The following PCSK5 variants were observed in gnomAD, a reference collection of about 807,000 sequenced individuals.
PCSK5 encodes the protein prohormone convertase 5.
A neutral mutation model predicts 233.2 loss-of-function variants in PCSK5; 129 were observed. The observed-to-expected ratio is 0.55, with a 90% CI of 0.48 to 0.64. PCSK5 has a LOEUF of 0.64. Among genes scored for constraint, PCSK5 ranks in the 30% least tolerant of loss-of-function variants. PCSK5 has a pLI of 0.00. For synonymous variants in PCSK5, 825 were observed against 879.2 expected, an observed-to-expected ratio of 0.94 and a Z score of 1.09; for missense variants, 2,076 against 2,430.1, an observed-to-expected ratio of 0.85 and a Z score of 3.06.
intron 37 of PCSK5, among the ~76,000 whole-genome samples, chr9:76,356,075 C>G (rs1830295815): frequency 6.6e-6 from 1 of 152,168 alleles, no homozygotes; most frequent in Admixed American, 6.5e-5. Context: ...GCTTTCCCAC[C>G]CCCACGAGCA....
At position 76,080,791 on chromosome 9, in the gene PCSK5, G is replaced by A. The variant is rs1830805897; in HGVS notation, c.894+8893G>A. Among the ~76,000 whole-genome samples, 3 of 152,174 alleles carry A rather than the reference G, an allele frequency of 2.0e-5. No individual in the cohort carries two copies. The South Asian group carries it at 6.2e-4, about 32-fold the overall frequency. ...ATGATTAATTCCTGTAAAATATTCAGCAGAGCTCCTGTAACAATGTAAAGT... is the reference window on the plus strand; with the variant it reads ...ATGATTAATTCCTGTAAAATATTCAACAGAGCTCCTGTAACAATGTAAAGT... On this transcript the variant is annotated intron_variant, in intron 7 of 37. Coordinates refer to ENST00000674117, the MANE Select transcript of PCSK5 (RefSeq NM_001372043.1).
At chr9:76,055,783 G>C (rs1050712742) in intron 5 of PCSK5, among the ~76,000 whole-genome samples, 1 of 152,116 alleles carries the variant, frequency 6.6e-6, no homozygotes, top group African/African-American at 2.4e-5. Flanking sequence ...GGATACCCTG[G>C]TCTAGTTCTC....
At chr9:75,900,594 G>T (rs1431562593) in intron 1 of PCSK5, among the ~76,000 whole-genome samples, 2 of 149,230 alleles carry the variant, frequency 1.3e-5, no homozygotes, top group Non-Finnish European at 3.0e-5. Context: ...TGGGACAGTT[G>T]CTTGAGCCCG....
chr9:76,052,009 G>T (rs900517321), intron 5 of PCSK5, among the ~76,000 whole-genome samples: 1 of 152,088 alleles, frequency 6.6e-6, no homozygotes, highest in South Asian at 2.1e-4. Flanking sequence ...ATCTTTTTTC[G>T]TAGAAACAAG....
At chr9:76,139,849 T>G (rs1823135468) in intron 10 of PCSK5, among the ~76,000 whole-genome samples, 1 of 152,064 alleles carries the variant, frequency 6.6e-6, no homozygotes, top group Admixed American at 6.6e-5. Context: ...AATTTTACCC[T>G]TATTGTTTTG....
At chr9:75,993,884 G>T (rs1055561831) in intron 3 of PCSK5, among the ~76,000 whole-genome samples, 3 of 152,152 alleles carry the variant, frequency 2.0e-5, no homozygotes, top group Non-Finnish European at 4.4e-5. Flanking sequence ...CCAGTATTAG[G>T]AGTCTCATAG....
At chr9:76,320,286 C>T (rs1335958256) in intron 30 of PCSK5, among the ~76,000 whole-genome samples, 4 of 151,628 alleles carry the variant, frequency 2.6e-5, no homozygotes, top group Admixed American at 6.6e-5. Context: ...AACAATTAGC[C>T]AGGCATGGTG....
intron 33 of PCSK5, among the ~76,000 whole-genome samples, chr9:76,331,073 C>T (rs1829519674): frequency 6.6e-6 from 1 of 152,150 alleles, no homozygotes; most frequent in Admixed American, 6.5e-5. Context: ...CTGTAGTCCC[C>T]CTGGGAAATG....
intron 5 of PCSK5, among the ~76,000 whole-genome samples, chr9:76,050,961 A>G (rs1194028907): frequency 6.6e-6 from 1 of 152,178 alleles, no homozygotes; most frequent in Non-Finnish European, 1.5e-5. Context: ...GGGGGATATG[A>G]CAGTCATTTT....
At chr9:76,178,896 A>G (rs910503281) in intron 14 of PCSK5, among the ~76,000 whole-genome samples, 1 of 152,120 alleles carries the variant, frequency 6.6e-6, no homozygotes, top group Non-Finnish European at 1.5e-5. Flanking sequence ...ACTGTTCATT[A>G]TCTTCAGTTC....
chr9:76,150,942 C>G (rs186971988), intron 10 of PCSK5, among the ~76,000 whole-genome samples: 3 of 151,938 alleles, frequency 2.0e-5, no homozygotes, highest in East Asian at 3.9e-4. Context: ...AGTATCACTT[C>G]CCACTTTTTC....
rs1830420042 is a variant in PCSK5 at position 76,360,861 on chromosome 9, T to A, written c.*1939T>A. The A allele has an allele frequency of 1.3e-5, 2 of 152,254 alleles. No individual in the cohort carries two copies. Among genetic ancestry groups the A allele is most frequent in the African/African-American group, 4.8e-5 (2 of 41,466 alleles). The allele number at this position is 152,254 out of a possible 1,614,324, so 9.4% of individuals were successfully genotyped here. On this transcript the variant is annotated 3_prime_UTR_variant, in exon 38 of 38. Coordinates refer to ENST00000674117, the MANE Select transcript of PCSK5 (RefSeq NM_001372043.1). The stretch of plus-strand genomic sequence containing the variant: ...TTCACATATTATAAAATTTTATTCT[T>A]CTTTTGATTTTTTTCAACCTTTTAA...
At chr9:76,093,287 G>T (rs893855262) in intron 7 of PCSK5, among the ~76,000 whole-genome samples, 1 of 151,446 alleles carries the variant, frequency 6.6e-6, no homozygotes, top group East Asian at 1.9e-4. Context: ...TAAATATGTG[G>T]TCTCACCCTA....
chr9:76,025,400 G>GGAGA lies in PCSK5; in HGVS notation c.555+1538_556-1539dup, dbSNP rs34224740. Among the ~76,000 whole-genome samples the GGAGA allele has an allele frequency of 8.1e-5, 12 of 148,618 alleles. 1 individual carries two copies. Among genetic ancestry groups the GGAGA allele is most frequent in the South Asian group, 6.5e-4 (3 of 4,606 alleles). On this transcript the variant is annotated intron_variant, in intron 4 of 37. Transcript: ENST00000674117. ...TCTCTAATAAAAGTAAAAAAAATGA[G>GGAGA]GAGAGAGAGAGAGAGAGAGAGACCA...
chr9:76,063,583 C>T (rs1830120894), intron 5 of PCSK5, among the ~76,000 whole-genome samples: 1 of 53,684 alleles, frequency 1.9e-5, no homozygotes, highest in Admixed American at 2.0e-4. Context: ...CATCTTGCAC[C>T]GCCCTTAATC....
At chr9:75,993,722 A>C (rs1452316115) in intron 3 of PCSK5, among the ~76,000 whole-genome samples, 1 of 152,234 alleles carries the variant, frequency 6.6e-6, no homozygotes, top group African/African-American at 2.4e-5. Flanking sequence ...AAGAAAACGC[A>C]CATGGGGCGA....
At chr9:76,245,380 T>C (rs1158372090) in intron 24 of PCSK5, among the ~76,000 whole-genome samples, 1 of 152,126 alleles carries the variant, frequency 6.6e-6, no homozygotes, top group Non-Finnish European at 1.5e-5. Context: ...ATAAATTCAC[T>C]GCCAAATAAG....
In PCSK5 at chr9:75,944,307, G is replaced by C. The variant is rs962370891; in HGVS notation, c.297+11824G>C. ...TTTTACATTTAAACAAAAAAGACCTGTGTGTATGTGGCTATTGTTTTATGC... is the reference window on the plus strand; with the variant it reads ...TTTTACATTTAAACAAAAAAGACCTCTGTGTATGTGGCTATTGTTTTATGC... On this transcript the variant is annotated intron_variant, in intron 2 of 37. Transcript: ENST00000674117. 5.9e-5 allele frequency among the ~76,000 whole-genome samples: 9 copies of C among 151,984 alleles called. 1 individual carries two copies. Among genetic ancestry groups the C allele is most frequent in the South Asian group, 4.1e-4 (2 of 4,822 alleles).
At chr9:75,932,071 A>G (rs1293591707) in intron 1 of PCSK5, among the ~76,000 whole-genome samples, 1 of 152,234 alleles carries the variant, frequency 6.6e-6, no homozygotes, top group African/African-American at 2.4e-5. Context: ...ATAGATTGAT[A>G]TAGAATTACT....
Sources: allele counts gnomAD v4.1 joint callset (sites outside exome capture counted in the v4.1 genomes callset), GRCh38; gene constraint gnomAD v4.1.1; transcripts MANE v1.5; gene names NCBI Gene and HGNC (gene_info 2026-07-23, HGNC 2026-07-21).